Variants in RBM6 observed in about 807,000 individuals in gnomAD.
RBM6 encodes RNA binding motif protein 6.
In RBM6, 23 loss-of-function variants were observed where a neutral mutation model predicts 140.4. That is an observed-to-expected ratio of 0.16 (90% CI 0.12 to 0.23). RBM6 has a LOEUF of 0.23. Among genes scored for constraint, RBM6 ranks in the 10% least tolerant of loss-of-function variants. RBM6 has a pLI of 1.00. For missense variants in RBM6, 1,139 were observed against 1,386.7 expected (o/e 0.82, Z 2.84); for synonymous variants, 439 against 475.6 (o/e 0.92, Z 1.00).
At chr3:50,074,607 A>G (rs2090403717) in intron 19 of RBM6, among the ~76,000 whole-genome samples, 1 of 152,110 alleles carries the variant, frequency 6.6e-6, no homozygotes, top group Admixed American at 6.6e-5. Flanking sequence ...CTGTATTTCT[A>G]TAGCAGACAT....
At position 50,059,669 on chromosome 3, in the gene RBM6, G is replaced by A. The variant is rs1350751710; in HGVS notation, c.2151G>A (p.Lys717=). Reference sequence around the variant, plus strand: ...TATAGGAAGCTCTTCGTGTGGTGAAGATCTTACAGAACCTTGATCCGCCAT... The same window carrying A: ...TATAGGAAGCTCTTCGTGTGGTGAAAATCTTACAGAACCTTGATCCGCCAT... ...DSHAEALRVV[K]ILQNLDPPFS... The change falls in exon 11 of 21, where the codon AAG becomes AAA. Residue 717 remains lysine, a synonymous_variant. Transcript: ENST00000266022. 6.2e-7 allele frequency: 1 copy of A among 1,613,712 alleles called. No homozygotes were observed. The highest frequency in any genetic ancestry group is 1.7e-5 in the Admixed American group (1 of 59,944).
intron 6 of RBM6, among the ~76,000 whole-genome samples, chr3:50,024,468 CCA>C (rs1205415340): frequency 1.3e-5 from 2 of 151,366 alleles, no homozygotes; most frequent in African/African-American, 4.9e-5. Flanking sequence ...AGTTCTAATA[CCA>C]CAGAGTCTTT....
intron 4 of RBM6, among the ~76,000 whole-genome samples, chr3:49,974,507 G>T (rs2084968142): frequency 6.6e-6 from 1 of 151,156 alleles, no homozygotes; most frequent in Admixed American, 6.6e-5. Flanking sequence ...AAGTAGCTGG[G>T]ACTACAGGTG....
intron 5 of RBM6, among the ~76,000 whole-genome samples, chr3:49,976,608 C>G (rs896801463): frequency 1.3e-5 from 2 of 152,170 alleles, no homozygotes; most frequent in Non-Finnish European, 2.9e-5. Flanking sequence ...TGCTTTTTAA[C>G]TCTCAGGATA....
intron 1 of RBM6, among the ~76,000 whole-genome samples, chr3:49,953,763 G>C (rs2083844888): frequency 6.6e-6 from 1 of 151,738 alleles, no homozygotes; most frequent in South Asian, 2.1e-4. Context: ...CAGATGATCT[G>C]CCCGCATCAG....
chr3:50,038,606 C>T (rs1484104756), intron 6 of RBM6, among the ~76,000 whole-genome samples: 2 of 152,004 alleles, frequency 1.3e-5, no homozygotes, highest in African/African-American at 4.8e-5. Flanking sequence ...CCGAGGCGGG[C>T]GGATCATGAG....
At chr3:50,065,232 C>T in intron 16 of RBM6, 106 bp downstream of exon 16, 1 of 791,780 alleles carries the variant, frequency 1.3e-6, no homozygotes, top group East Asian at 2.5e-5. Flanking sequence ...TGGTCTTTTA[C>T]CTCACTATGT....
At chr3:49,962,776 T>A (rs2084340664) in intron 2 of RBM6, 91 bp downstream of exon 2, 2 of 1,255,808 alleles carry the variant, frequency 1.6e-6, no homozygotes, top group African/African-American at 3.1e-5. Flanking sequence ...ATATTTTCTC[T>A]GTGGAGAAAT....
intron 6 of RBM6, among the ~76,000 whole-genome samples, chr3:50,037,546 C>T (rs894183873): frequency 1.3e-5 from 2 of 152,124 alleles, no homozygotes; most frequent in Non-Finnish European, 2.9e-5. Flanking sequence ...TCTTTGAGGA[C>T]GTTACAGGCA....
chr3:50,015,982 A>G (rs2087122646), intron 6 of RBM6, among the ~76,000 whole-genome samples: 1 of 152,244 alleles, frequency 6.6e-6, no homozygotes, highest in Admixed American at 6.5e-5. Context: ...TAGATACAAT[A>G]CATTGTTATT....
At position 50,065,175 on chromosome 3, in the gene RBM6, T is replaced by C. The variant is rs754507991; in HGVS notation, c.2682+49T>C. 20 of 1,457,048 alleles carry C rather than the reference T, an allele frequency of 1.4e-5. No individual in the cohort carries two copies. The East Asian group carries it at 4.4e-4, about 32-fold the overall frequency. 90.3% of individuals were successfully genotyped at this position (1,457,048 alleles called of 1,614,324 possible). A position where few individuals can be genotyped will look rare whatever the true frequency, so the allele number is the denominator to read the frequency against. ...GACCTAGGGCTGGGGCTGGGGATGGTTCCGAGTAGAAGAGGAAGCGCAAAG... is the reference window on the plus strand; with the variant it reads ...GACCTAGGGCTGGGGCTGGGGATGGCTCCGAGTAGAAGAGGAAGCGCAAAG... On this transcript the variant is annotated intron_variant, in intron 16 of 20. Transcript: ENST00000266022.
At chr3:50,076,902 T>A in intron 20 of RBM6, 106 bp from the exon 21 acceptor site, 5 of 1,085,144 alleles carry the variant, frequency 4.6e-6, no homozygotes, top group Non-Finnish European at 6.2e-6. Context: ...AAAAAAATTA[T>A]CCTATATACT....
intron 18 of RBM6, 65 bp from the exon 19 acceptor site, chr3:50,070,390 G>A: frequency 8.7e-7 from 1 of 1,153,272 alleles, no homozygotes; most frequent in South Asian, 1.2e-5. Context: ...CAATGGGGTA[G>A]AATTTCCCCA....
At chr3:50,072,454 G>A (rs2090335592) in intron 19 of RBM6, among the ~76,000 whole-genome samples, 1 of 151,782 alleles carries the variant, frequency 6.6e-6, no homozygotes, top group Non-Finnish European at 1.5e-5. Context: ...TGGGTAACAA[G>A]TGGATGCATG....
chr3:50,034,433 ACT>A (rs2088385354), intron 6 of RBM6, among the ~76,000 whole-genome samples: 1 of 151,640 alleles, frequency 6.6e-6, no homozygotes, highest in African/African-American at 2.4e-5. Context: ...GTGTTAAATA[ACT>A]CTTTCCATTC....
chr3:50,060,945 A>G lies in RBM6; in HGVS notation c.2229-11A>G, dbSNP rs202148376. The G allele has an allele frequency of 6.4e-6, 10 of 1,557,448 alleles. No individual in the cohort carries two copies. In the East Asian group the frequency reaches 2.3e-4, roughly 35 times the overall value. ...TAGCAGCCTTAAGAATTGTTGTGTT[A>G]TCTGTTGCAGAAATGATTCTGGGGA... On this transcript the variant is annotated splice_polypyrimidine_tract_variant and intron_variant, in intron 11 of 20. Coordinates refer to ENST00000266022, the MANE Select transcript of RBM6 (RefSeq NM_005777.3).
chr3:49,975,505 G>A (rs1472431336), intron 5 of RBM6, 113 bp downstream of exon 5: 1 of 897,776 alleles, frequency 1.1e-6, no homozygotes, highest in African/African-American at 1.7e-5. Flanking sequence ...ATTTCCAGAA[G>A]CCTCCCGTTG....
At chr3:49,955,410 T>A (rs1241356799) in intron 1 of RBM6, among the ~76,000 whole-genome samples, 1 of 151,380 alleles carries the variant, frequency 6.6e-6, no homozygotes, top group Non-Finnish European at 1.5e-5. Context: ...ATATATATAT[T>A]TTTTGAAACA....
intron 3 of RBM6, among the ~76,000 whole-genome samples, chr3:49,971,530 AC>A (rs1486601455): frequency 1.4e-5 from 2 of 147,138 alleles, no homozygotes; most frequent in African/African-American, 5.0e-5. Context: ...CAGCTCTCAG[AC>A]CAGGGAAATT....
Sources: allele counts gnomAD v4.1 joint callset (sites outside exome capture counted in the v4.1 genomes callset), GRCh38; gene constraint gnomAD v4.1.1; transcripts MANE v1.5; gene names NCBI Gene and HGNC (gene_info 2026-07-23, HGNC 2026-07-21).